DMTF1: variants seen among roughly 807,000 people sequenced by gnomAD.
DMTF1 encodes cyclin-D-binding Myb-like transcription factor 1.
In DMTF1, 39 loss-of-function variants were observed where a neutral mutation model predicts 91.1. The observed-to-expected ratio is 0.43, with a 90% confidence interval of 0.33 to 0.56. DMTF1 has a LOEUF of 0.56. Among genes scored for constraint, DMTF1 ranks in the 20% least tolerant of loss-of-function variants. The pLI, the probability that DMTF1 is intolerant of heterozygous loss-of-function variation, is 0.05. For synonymous variants in DMTF1, 338 were observed against 309.5 expected, an observed-to-expected ratio of 1.09 and a Z score of -0.97; for missense variants, 750 against 914.5, an observed-to-expected ratio of 0.82 and a Z score of 2.32.
intron 14 of DMTF1, among the ~76,000 whole-genome samples, chr7:87,191,933 C>T (rs991068055): frequency 6.6e-6 from 1 of 152,150 alleles, no homozygotes; most frequent in Admixed American, 6.6e-5. Context: ...TATTCATCCT[C>T]TCCCCAGCCA....
Position 87,188,132 on chromosome 7 carries a change from A to C in DMTF1, c.1242A>C (p.Lys414Asn), listed in dbSNP as rs145101423. Residue 414 changes from lysine (K) to asparagine (N), a missense_variant, in exon 13 of 18, where the codon AAA becomes AAC. Physicochemically the swap from Lys to Asn is moderately conservative, Grantham distance 94. Around this residue, in one of 3 missense-constraint regions of DMTF1, gnomAD observed 410 missense variants for 420.2 expected, o/e 0.98. Transcript: ENST00000331242. ...TTAAACAGTTACATGAGAACCAAAA[A>C]AACAACCCAACGCTTTTGGAGAATA... ...KGLKQLHENQ[K>N]NNPTLLENKS... 66 of 1,613,992 alleles carry C rather than the reference A, an allele frequency of 4.1e-5. No individual in the cohort carries two copies. In the African/African-American group the frequency reaches 7.6e-4, roughly 19 times the overall value.
chr7:87,171,029 G>A lies in DMTF1; in HGVS notation c.267G>A (p.Met89Ile). ...SENDQSFEVT[M>I]TATTEVADDE... The stretch of plus-strand genomic sequence containing the variant: ...ATGATCAGAGCTTTGAAGTGACCAT[G>A]ACTGCAACCACAGAAGTAGCAGATG... The change falls in exon 5 of 18, where the codon ATG becomes ATA. Residue 89 changes from methionine (M) to isoleucine (I), a missense_variant. By Grantham distance (10) the Met-to-Ile change is conservative (BLOSUM62 1). Transcript: ENST00000331242. 6.2e-7 allele frequency: 1 copy of A among 1,612,570 alleles called. No individual in the cohort carries two copies. Among genetic ancestry groups the A allele is most frequent in the Non-Finnish European group, 8.5e-7 (1 of 1,178,812 alleles).
At chr7:87,192,914 G>T (rs771194324) in intron 14 of DMTF1, 2 of 279,102 alleles carry the variant, frequency 7.2e-6, no homozygotes, top group East Asian at 6.1e-5. Context: ...AGGGGTGATT[G>T]GGTGTTGTGG....
chr7:87,179,539 A>G lies in DMTF1; in HGVS notation c.520-6A>G, dbSNP rs1210545863. 1.3e-6 allele frequency: 2 copies of G among 1,513,578 alleles called. No individual in the cohort carries two copies. Among genetic ancestry groups the G allele is most frequent in the African/African-American group, 1.4e-5 (1 of 69,538 alleles). The allele number at this position is 1,513,578 out of a possible 1,614,324, so 93.8% of individuals were successfully genotyped here. ...TCCCTAAATCAAAGAAATGTAACCC[A>G]TTTAGGCACGCGGAATAAAAGATGC... is the stretch of plus-strand genomic sequence containing the variant. On this transcript the variant is annotated splice_polypyrimidine_tract_variant and splice_region_variant and intron_variant, in intron 7 of 17. Coordinates refer to ENST00000331242, the MANE Select transcript of DMTF1 (RefSeq NM_001142327.2).
chr7:87,183,516 CTAGAA>C (rs975420253), intron 10 of DMTF1, among the ~76,000 whole-genome samples: 7 of 152,156 alleles, frequency 4.6e-5, no homozygotes, highest in Admixed American at 3.3e-4. Context: ...TCACAGCATG[CTAGAA>C]TAGGAGAGTA....
rs200408306 is a variant in DMTF1 at position 87,184,511 on chromosome 7, G to A, written c.935G>A (p.Arg312Gln). The change falls in exon 11 of 18, where the codon CGA becomes CAA. Residue 312 changes from arginine to glutamine, a missense_variant. Arg to Gln is a conservative substitution (Grantham distance 43). This residue lies in a region of DMTF1 where 190 missense variants were observed against 343.8 expected (regional missense o/e 0.55). Coordinates refer to ENST00000331242, the MANE Select transcript of DMTF1 (RefSeq NM_001142327.2). ...QGVSWAAVAE[R>Q]VGTRSEKQCR... ...GTGTCTTGGGCAGCTGTGGCTGAAC[G>A]AGTCGGTACCCGCTCAGAAAAGCAA... 28 of 1,613,908 alleles carry A rather than the reference G, an allele frequency of 1.7e-5. No individual in the cohort carries two copies. The highest frequency in any genetic ancestry group is 2.7e-5 in the African/African-American group (2 of 74,918).
intron 7 of DMTF1, among the ~76,000 whole-genome samples, chr7:87,178,026 G>T (rs1389511846): frequency 6.6e-6 from 1 of 152,062 alleles, no homozygotes; most frequent in African/African-American, 2.4e-5. Flanking sequence ...ACACTCAAAT[G>T]GAGTTTTTAT....
chr7:87,160,626 G>A lies in DMTF1; in HGVS notation c.-131-2869G>A, dbSNP rs184321719. On this transcript the variant is annotated intron_variant, in intron 1 of 17. Transcript: ENST00000331242. The stretch of plus-strand genomic sequence containing the variant: ...CTAATTCTGTACATACTTCAGTAAG[G>A]CTTCTGCCTCTACTACTCCCACCAA... Among the ~76,000 whole-genome samples, 15 of 152,124 alleles carry A rather than the reference G, an allele frequency of 9.9e-5. No individual in the cohort carries two copies. In the East Asian group the frequency reaches 2.1e-3, roughly 22 times the overall value.
In DMTF1 at chr7:87,164,878, AC is replaced by A. The variant is rs1562790046; in HGVS notation, c.-8-55del. On this transcript the variant is annotated intron_variant, in intron 2 of 17. Coordinates refer to ENST00000331242, the MANE Select transcript of DMTF1 (RefSeq NM_001142327.2). Reference sequence around the variant, plus strand: ...GTATTTCAGGGGATTATAAGGGAATACTTCATATTTGGGAATAATTTTTGAA... The same window carrying A: ...GTATTTCAGGGGATTATAAGGGAATATTCATATTTGGGAATAATTTTTGAA... 9.6e-5 allele frequency: 96 copies of A among 1,004,770 alleles called. 2 individuals are homozygous for A. In the South Asian group the frequency reaches 1.4e-3, roughly 15 times the overall value. 62.2% of individuals were successfully genotyped at this position (1,004,770 alleles called of 1,614,324 possible). A position where few individuals can be genotyped will look rare whatever the true frequency, so the allele number is the denominator to read the frequency against.
At chr7:87,153,925 A>T (rs1451642545) in intron 1 of DMTF1, among the ~76,000 whole-genome samples, 3 of 152,160 alleles carry the variant, frequency 2.0e-5, no homozygotes, top group Non-Finnish European at 4.4e-5. Context: ...ATTACTTCAA[A>T]TTTCTTTAAG....
chr7:87,167,604 A>G (rs1349272724), intron 4 of DMTF1, among the ~76,000 whole-genome samples: 1 of 152,230 alleles, frequency 6.6e-6, no homozygotes, highest in African/African-American at 2.4e-5. Flanking sequence ...TAACAAGTAG[A>G]TATGTACTCT....
chr7:87,193,633 TTGAGAGGTAAGAGA>T, intron 15 of DMTF1, 78 bp from the exon 16 acceptor site: 1 of 1,214,202 alleles, frequency 8.2e-7, no homozygotes, highest in Non-Finnish European at 1.2e-6. Context: ...TATTTACAGT[TTGAGAGGTAAGAGA>T]TGTGGGGGGA....
At chr7:87,188,007 C>G (rs1013566817) in intron 12 of DMTF1, 85 bp from the exon 13 acceptor site, 11 of 1,041,310 alleles carry the variant, frequency 1.1e-5, no homozygotes, top group Non-Finnish European at 1.3e-5. Context: ...TACTTTCCCT[C>G]CTTACCTCCC....
In DMTF1 at chr7:87,185,840, T is replaced by C; in HGVS notation, c.1061T>C (p.Leu354Pro). Reference sequence around the variant, plus strand: ...TTTTGTAACTGTAGGATAGCAGAACTTGATGTAGCTGATGAAAATGACATT... The same window carrying C: ...TTTTGTAACTGTAGGATAGCAGAACCTGATGTAGCTGATGAAAATGACATT... Reference protein sequence around the residue: ...EINLILRIAELDVADENDINW... With the variant: ...EINLILRIAEPDVADENDINW... The change falls in exon 12 of 18, where the codon CTT (leucine) becomes CCT (proline). Residue 354 changes from leucine (L) to proline (P), a missense_variant. By Grantham distance (98) the Leu-to-Pro change is moderately conservative (BLOSUM62 -3). Around this residue, in one of 3 missense-constraint regions of DMTF1, gnomAD observed 190 missense variants for 343.8 expected, o/e 0.55. Coordinates refer to ENST00000331242, the MANE Select transcript of DMTF1 (RefSeq NM_001142327.2). The C allele has an allele frequency of 6.2e-7, 1 of 1,613,846 alleles. No homozygotes were observed. The highest frequency in any genetic ancestry group is 1.7e-5 in the Admixed American group (1 of 59,986).
At chr7:87,166,836 C>G (rs1274277739) in intron 4 of DMTF1, among the ~76,000 whole-genome samples, 1 of 151,806 alleles carries the variant, frequency 6.6e-6, no homozygotes, top group East Asian at 1.9e-4. Flanking sequence ...TCAATTGCCC[C>G]ACAAGGAGCC....
At chr7:87,172,047 T>C (rs1795182483) in intron 5 of DMTF1, among the ~76,000 whole-genome samples, 1 of 152,224 alleles carries the variant, frequency 6.6e-6, no homozygotes, top group Admixed American at 6.5e-5. Context: ...GATTTGATTC[T>C]CATATCCAAC....
chr7:87,157,374 G>T (rs1791033181), intron 1 of DMTF1, among the ~76,000 whole-genome samples: 1 of 152,124 alleles, frequency 6.6e-6, no homozygotes, highest in Non-Finnish European at 1.5e-5. Flanking sequence ...GTTGGTTCCT[G>T]TGCTGCTCAT....
rs1199557267 is a variant in DMTF1 at position 87,162,186 on chromosome 7, A to G, written c.-131-1309A>G. ...TCTCCTGGGCTGCAGCCATCCTCCC[A>G]CCTCAGCCTCCAGAGTAGCTGAGAT... is the stretch of plus-strand genomic sequence containing the variant. On this transcript the variant is annotated intron_variant, in intron 1 of 17. Transcript: ENST00000331242. Among the ~76,000 whole-genome samples the G allele has an allele frequency of 2.0e-5, 3 of 151,958 alleles. 1 individual carries two copies. Among genetic ancestry groups the G allele is most frequent in the South Asian group, 4.2e-4 (2 of 4,798 alleles).
At chr7:87,156,546 C>T (rs1441319442) in intron 1 of DMTF1, among the ~76,000 whole-genome samples, 1 of 152,146 alleles carries the variant, frequency 6.6e-6, no homozygotes, top group African/African-American at 2.4e-5. Flanking sequence ...GGGCCTGGCA[C>T]CATAGTCCAA....
Sources: allele counts gnomAD v4.1 joint callset (sites outside exome capture counted in the v4.1 genomes callset), GRCh38; gene constraint gnomAD v4.1.1; regional missense constraint gnomAD v4.1.1; transcripts MANE v1.5; gene names NCBI Gene and HGNC (gene_info 2026-07-23, HGNC 2026-07-21).